ZNF721: variants seen among roughly 807,000 people sequenced by gnomAD.
ZNF721 encodes the protein zinc finger protein 721.
ZNF721 carries 2 observed loss-of-function variants against 2.4 expected under a neutral mutation model. That is an observed-to-expected ratio of 0.82 (90% CI 0.34 to 2.58). ZNF721 has a LOEUF of 2.58. Ranked by LOEUF, ZNF721 falls within the 30% of genes most tolerant of loss-of-function variation. The pLI, the probability that ZNF721 is intolerant of heterozygous loss-of-function variation, is 0.11. For missense variants in ZNF721, 1,187 were observed against 1,085.5 expected, an observed-to-expected ratio of 1.09 and a Z score of -1.31; for synonymous variants, 398 against 381.8, an observed-to-expected ratio of 1.04 and a Z score of -0.50.
At chr4:444,939 G>A (rs1553863976) in intron 2 of ZNF721, among the ~76,000 whole-genome samples, 1 of 150,918 alleles carries the variant, frequency 6.6e-6, no homozygotes, top group African/African-American at 2.4e-5. Context: ...GCAGACTGAA[G>A]TGCTGAATAC....
chr4:463,091 CA>C (rs1553866299), intron 2 of ZNF721, among the ~76,000 whole-genome samples: 1 of 152,128 alleles, frequency 6.6e-6, no homozygotes, highest in African/African-American at 2.4e-5. Context: ...AAAAAGTGGG[CA>C]AAGGATATGA....
In ZNF721 at chr4:490,154, G is replaced by A. The variant is rs565144634; in HGVS notation, c.-94+8902C>T. Among the ~76,000 whole-genome samples, 109 of 151,450 alleles carry A rather than the reference G, an allele frequency of 7.2e-4. 1 individual carries two copies. Among genetic ancestry groups the A allele is most frequent in the Non-Finnish European group, 1.2e-3 (80 of 67,838 alleles). ...ATTACAAGAGTGAGACACCGTGCCCGGCCAACATTTTGGATACAGTAAGTT... is the reference window on the plus strand; with the variant it reads ...ATTACAAGAGTGAGACACCGTGCCCAGCCAACATTTTGGATACAGTAAGTT... On this transcript the variant is annotated intron_variant, in intron 1 of 2. Transcript: ENST00000511833.
In ZNF721 at chr4:443,511, T is replaced by A. The variant is rs782803244; in HGVS notation, c.956A>T (p.Asn319Ile). 2.2e-5 allele frequency: 36 copies of A among 1,613,448 alleles called. No individual in the cohort carries two copies. The highest frequency in any genetic ancestry group is 6.7e-5 in the Admixed American group (4 of 59,974). Residue 319 changes from asparagine to isoleucine, a missense_variant, in exon 3 of 3, where the codon AAC (asparagine) becomes ATC (isoleucine). Physicochemically the swap from Asn to Ile is moderately radical, Grantham distance 149. Transcript: ENST00000511833. ...ATGAATTCTCCTATGTACATAAAGG[T>A]TTGCGGACTGTCTAAAGGCTTTGCC... ...VCGKAFRQSA[N>I]LYVHRRIHTG... is the part of the protein sequence containing the mutation.
intron 1 of ZNF721, chr4:474,126 G>A (rs978278029): frequency 2.8e-6 from 3 of 1,055,546 alleles, no homozygotes; most frequent in Admixed American, 4.7e-5. Context: ...CCCTAACCGA[G>A]CTCAGGCTGA....
rs1023651643 is a variant in ZNF721, at chr4:442,691, T to C, written c.1776A>G (p.Lys592=). The change falls in exon 3 of 3, where the codon AAA becomes AAG. Residue 592 remains lysine (K), a synonymous_variant. Transcript: ENST00000511833. ...EKPYKCEECG[K]AFGRYTDLNQ... is the part of the protein sequence containing the mutation. Reference sequence around the variant, plus strand: ...TCAGGTCTGTGTACCGTCCAAAGGCTTTGCCACACTCTTCACATTTGTAAG... The same window carrying C: ...TCAGGTCTGTGTACCGTCCAAAGGCCTTGCCACACTCTTCACATTTGTAAG... 1 of 1,614,240 alleles carries C rather than the reference T, an allele frequency of 6.2e-7. No individual in the cohort carries two copies. The highest frequency in any genetic ancestry group is 1.3e-5 in the African/African-American group (1 of 75,074).
chr4:471,107 AG>A (rs1176450863), intron 2 of ZNF721, among the ~76,000 whole-genome samples: 3 of 152,002 alleles, frequency 2.0e-5, no homozygotes, highest in African/African-American at 7.3e-5. Context: ...AATGGGCAAA[AG>A]GTTAGATTTT....
At chr4:455,217 TTGTG>T (rs1336568437) in intron 2 of ZNF721, among the ~76,000 whole-genome samples, 2 of 152,194 alleles carry the variant, frequency 1.3e-5, no homozygotes, top group Non-Finnish European at 2.9e-5. Flanking sequence ...CTTAAAGATA[TTGTG>T]TGTGTGTCTT....
chr4:488,108 T>C (rs1715940175), intron 1 of ZNF721, among the ~76,000 whole-genome samples: 1 of 152,216 alleles, frequency 6.6e-6, no homozygotes. Flanking sequence ...GAAAACATTA[T>C]AACCAGGTCC....
intron 1 of ZNF721, among the ~76,000 whole-genome samples, chr4:474,890 T>G (rs924321402): frequency 4.0e-5 from 6 of 151,026 alleles, no homozygotes; most frequent in Admixed American, 6.6e-5. Flanking sequence ...AATAAACAAA[T>G]AAATGAATAA....
intron 1 of ZNF721, among the ~76,000 whole-genome samples, chr4:483,780 T>C (rs1715828250): frequency 6.6e-6 from 1 of 152,194 alleles, no homozygotes; most frequent in Non-Finnish European, 1.5e-5. Flanking sequence ...ACATATTTAA[T>C]CCTAACATAA....
chr4:464,966 T>G (rs1715197532), intron 2 of ZNF721, among the ~76,000 whole-genome samples: 2 of 151,356 alleles, frequency 1.3e-5, no homozygotes. Context: ...GTGCCTGCAG[T>G]CTCAGCTACT....
intron 1 of ZNF721, among the ~76,000 whole-genome samples, chr4:488,414 A>C (rs1576973160): frequency 6.6e-6 from 1 of 152,186 alleles, no homozygotes; most frequent in East Asian, 1.9e-4. Flanking sequence ...CAAAACAAGA[A>C]GTTTGCCTTT....
intron 2 of ZNF721, among the ~76,000 whole-genome samples, chr4:458,841 G>A (rs1022343109): frequency 2.7e-5 from 4 of 146,876 alleles, no homozygotes; most frequent in African/African-American, 1.1e-4. Flanking sequence ...GCAAGACTCC[G>A]TCTAAAGAAA....
chr4:473,980 C>CGTGA, intron 1 of ZNF721: 2 of 1,508,106 alleles, frequency 1.3e-6, no homozygotes, highest in Non-Finnish European at 1.8e-6. Flanking sequence ...CGCACACTCA[C>CGTGA]CATTTCTCAG....
At chr4:492,625 T>C (rs75314099) in intron 1 of ZNF721, among the ~76,000 whole-genome samples, 373 of 151,172 alleles carry the variant, frequency 2.5e-3, no homozygotes, top group African/African-American at 8.7e-3. Context: ...TTTTTTTTTT[T>C]CATAAATCCT....
chr4:458,206 T>C (rs782063750), intron 2 of ZNF721, among the ~76,000 whole-genome samples: 5 of 152,254 alleles, frequency 3.3e-5, no homozygotes, highest in Non-Finnish European at 5.9e-5. Context: ...GCCAGTCATA[T>C]TGATCAACAT....
Position 464,527 on chromosome 4 carries a change from A to G in ZNF721, c.34+8048T>C, listed in dbSNP as rs575928602. ...TTCCTAATTAAAAAAGAAAAAAATGAAAGAGTGAATAAAGCATATAGCTTC... is the reference window on the plus strand; with the variant it reads ...TTCCTAATTAAAAAAGAAAAAAATGGAAGAGTGAATAAAGCATATAGCTTC... On this transcript the variant is annotated intron_variant, in intron 2 of 2. Coordinates refer to ENST00000511833, the MANE Select transcript of ZNF721 (RefSeq NM_133474.4). Among the ~76,000 whole-genome samples, 8 of 152,124 alleles carry G rather than the reference A, an allele frequency of 5.3e-5. No individual in the cohort carries two copies. In the East Asian group the frequency reaches 1.5e-3, roughly 29 times the overall value.
At chr4:464,035 G>T (rs1715158966) in intron 2 of ZNF721, among the ~76,000 whole-genome samples, 1 of 152,020 alleles carries the variant, frequency 6.6e-6, no homozygotes, top group African/African-American at 2.4e-5. Context: ...AATGTATGAA[G>T]AAAATCAATT....
At position 444,149 on chromosome 4, in the gene ZNF721, C is replaced by A. The variant is rs782083249; in HGVS notation, c.318G>T (p.Glu106Asp). 33 of 1,614,000 alleles carry A rather than the reference C, an allele frequency of 2.0e-5. No homozygotes were observed. Among genetic ancestry groups the A allele is most frequent in the Non-Finnish European group, 2.8e-5 (33 of 1,179,992 alleles). ...CACATTCGTTACATTTAAAGTGTTT[C>A]TCTCCAGTATGTCTTGTCTTATCTT... Reference protein sequence around the residue: ...SNKDKTRHTGEKHFKCNECGK... With the variant: ...SNKDKTRHTGDKHFKCNECGK... Residue 106 changes from glutamate (E) to aspartate (D), a missense_variant, in exon 3 of 3, where the codon GAG (glutamate) becomes GAT (aspartate). Transcript: ENST00000511833.
Sources: allele counts gnomAD v4.1 joint callset (sites outside exome capture counted in the v4.1 genomes callset), GRCh38; gene constraint gnomAD v4.1.1; transcripts MANE v1.5; gene names NCBI Gene and HGNC (gene_info 2026-07-23, HGNC 2026-07-21).